Variants in TRPM1 observed in about 807,000 individuals in gnomAD.
The protein encoded by TRPM1 is TRPM1-203 APA Isoform, Intron 10.
TRPM1 carries 113 observed loss-of-function variants against 149.4 expected under a neutral mutation model. That is an observed-to-expected ratio of 0.76 (90% CI 0.65 to 0.88). The LOEUF (loss-of-function observed/expected upper bound fraction) is 0.88, where lower values mean the gene tolerates loss of function less well. TRPM1 is among the 40% of genes least tolerant of loss of function. The pLI is 0.00. For synonymous variants in TRPM1, 741 were observed against 759.5 expected, an observed-to-expected ratio of 0.98 and a Z score of 0.40; for missense variants, 1,976 against 2,038.7, an observed-to-expected ratio of 0.97 and a Z score of 0.59.
At chr15:31,026,299 G>T (rs1180921237) in intron 26 of TRPM1, 28 bp from the exon 27 acceptor site, 2 of 1,606,388 alleles carry the variant, frequency 1.2e-6, no homozygotes, top group Admixed American at 3.3e-5. Flanking sequence ...TGTCGGCCAC[G>T]TGAAAAACAA....
chr15:31,090,176 G>A (rs958010022), intron 1 of TRPM1, among the ~76,000 whole-genome samples: 2 of 152,174 alleles, frequency 1.3e-5, no homozygotes, highest in South Asian at 2.1e-4. Context: ...ACATGCTCTC[G>A]TAAAGGACTT....
intron 27 of TRPM1, among the ~76,000 whole-genome samples, chr15:31,019,148 T>C (rs557391436): frequency 2.0e-4 from 30 of 152,372 alleles, no homozygotes; most frequent in African/African-American, 5.3e-4. Flanking sequence ...TGGTATTCTA[T>C]ACTTGAGTTC....
chr15:31,081,227 C>A lies in TRPM1; in HGVS notation c.3+126G>T. 9.4e-6 allele frequency: 7 copies of A among 743,320 alleles called. No homozygotes were observed. The South Asian group carries it at 1.0e-4, about 11-fold the overall frequency. 46.0% of individuals were successfully genotyped at this position (743,320 alleles called of 1,614,324 possible). ...AACTGGCGCCATGGCCCGAGCCAGGCTCAATCCACTTCCCTCTGCTTCACT... is the reference window on the plus strand; with the variant it reads ...AACTGGCGCCATGGCCCGAGCCAGGATCAATCCACTTCCCTCTGCTTCACT... On this transcript the variant is annotated intron_variant, in intron 2 of 27. Coordinates refer to ENST00000256552, the MANE Select transcript of TRPM1 (RefSeq NM_001252024.2).
rs567012618 is a variant in TRPM1, at chr15:31,034,393, T to C, written c.2700+1153A>G. Among the ~76,000 whole-genome samples, 29 of 152,340 alleles carry C rather than the reference T, an allele frequency of 1.9e-4. No individual in the cohort carries two copies. The South Asian group carries it at 6.0e-3, about 32-fold the overall frequency. ...CCCTGGAGCTTTTCCCCAGGTGGGCTTGCCCACCCCATCTGCTGCAGGTGC... is the reference window on the plus strand; with the variant it reads ...CCCTGGAGCTTTTCCCCAGGTGGGCCTGCCCACCCCATCTGCTGCAGGTGC... On this transcript the variant is annotated intron_variant, in intron 21 of 27. Coordinates refer to ENST00000256552, the MANE Select transcript of TRPM1 (RefSeq NM_001252024.2).
intron 27 of TRPM1, among the ~76,000 whole-genome samples, chr15:31,019,965 G>A (rs547164937): frequency 3.9e-5 from 6 of 152,222 alleles, no homozygotes; most frequent in South Asian, 4.2e-4. Flanking sequence ...CACTGCTCCC[G>A]GCCAAGACTC....
chr15:31,013,710 AGTT>A (rs1228080216), intron 27 of TRPM1, among the ~76,000 whole-genome samples: 1 of 152,058 alleles, frequency 6.6e-6, no homozygotes, highest in Non-Finnish European at 1.5e-5. Context: ...TGCTTAGTGT[AGTT>A]GTTGTTTGTT....
chr15:31,049,104 T>C (rs2140938952), intron 13 of TRPM1, among the ~76,000 whole-genome samples: 1 of 152,230 alleles, frequency 6.6e-6, no homozygotes, highest in African/African-American at 2.4e-5. Context: ...ATTCCCTCTT[T>C]GTAGCAACAA....
chr15:31,082,453 G>GTTTCTC (rs2034886944), intron 1 of TRPM1, among the ~76,000 whole-genome samples: 6 of 152,176 alleles, frequency 3.9e-5, no homozygotes, highest in Admixed American at 3.3e-4. Context: ...CTCTGAAATG[G>GTTTCTC]AAATGGCTTT....
intron 1 of TRPM1, among the ~76,000 whole-genome samples, chr15:31,139,183 A>G (rs1459982762): frequency 6.6e-6 from 1 of 152,234 alleles, no homozygotes; most frequent in Non-Finnish European, 1.5e-5. Flanking sequence ...CTCTTGTCCC[A>G]TGAAAAAGGC....
At chr15:31,139,748 T>G (rs1419544091) in intron 1 of TRPM1, among the ~76,000 whole-genome samples, 1 of 152,224 alleles carries the variant, frequency 6.6e-6, no homozygotes, top group Non-Finnish European at 1.5e-5. Context: ...CAACTGTCTA[T>G]CACTTGCGTG....
intron 23 of TRPM1, 149 bp downstream of exon 23, chr15:31,030,834 T>A: frequency 1.2e-6 from 1 of 858,442 alleles, no homozygotes; most frequent in South Asian, 1.6e-5. Flanking sequence ...CATAATTTGT[T>A]CTTATTTCTT....
At chr15:31,087,863 G>T (rs986936578) in intron 1 of TRPM1, among the ~76,000 whole-genome samples, 1 of 152,186 alleles carries the variant, frequency 6.6e-6, no homozygotes, top group African/African-American at 2.4e-5. Flanking sequence ...TGGGAGGGAG[G>T]AATGGGTAGT....
intron 12 of TRPM1, 39 bp from the exon 13 acceptor site, chr15:31,049,548 T>C (rs368852981): frequency 1.1e-5 from 18 of 1,612,344 alleles, no homozygotes; most frequent in Middle Eastern, 2.0e-4. Context: ...GAGTGGCCTC[T>C]CAGAGACACA....
chr15:31,139,389 T>C (rs2036129926), intron 1 of TRPM1, among the ~76,000 whole-genome samples: 1 of 152,174 alleles, frequency 6.6e-6, no homozygotes, highest in African/African-American at 2.4e-5. Flanking sequence ...ACATTAATAG[T>C]CTAAACAGGG....
intron 1 of TRPM1, among the ~76,000 whole-genome samples, chr15:31,083,674 T>G (rs916839118): frequency 2.6e-5 from 4 of 152,096 alleles, no homozygotes; most frequent in African/African-American, 7.2e-5. Flanking sequence ...ACCCCCTCGC[T>G]CCACTGCCAC....
rs2034500607 is a variant in TRPM1, at chr15:31,070,230, A to C, written c.84-4T>G. 6.2e-7 allele frequency: 1 copy of C among 1,612,808 alleles called. No homozygotes were observed. The highest frequency in any genetic ancestry group is 1.3e-5 in the African/African-American group (1 of 74,902). On this transcript the variant is annotated splice_region_variant and splice_polypyrimidine_tract_variant and intron_variant, in intron 3 of 27. Transcript: ENST00000256552. The stretch of plus-strand genomic sequence containing the variant: ...GGTGAACTGGCCACAGCAACACCTG[A>C]AAACAAAGGCAAAGCAGGGTCTTTC...
intron 9 of TRPM1, 29 bp from the exon 10 acceptor site, chr15:31,061,543 C>T (rs1410827196): frequency 1.2e-6 from 2 of 1,607,316 alleles, no homozygotes; most frequent in Admixed American, 1.7e-5. Flanking sequence ...TGAATTAAAG[C>T]CAAGTTGAAA....
chr15:31,076,899 A>G lies in TRPM1; in HGVS notation c.83+6T>C, dbSNP rs202163956. 3 of 1,591,298 alleles carry G rather than the reference A, an allele frequency of 1.9e-6. No individual in the cohort carries two copies. The East Asian group carries it at 6.7e-5, about 36-fold the overall frequency. On this transcript the variant is annotated splice_donor_region_variant and intron_variant, in intron 3 of 27. Transcript: ENST00000256552. ...GATAATGTCTTAATCGTGGATTTCAATTTACCTGTTAGAGTCTTTCATGCT... is the reference window on the plus strand; with the variant it reads ...GATAATGTCTTAATCGTGGATTTCAGTTTACCTGTTAGAGTCTTTCATGCT...
rs763546583 is a variant in TRPM1 at position 31,042,072 on chromosome 15, G to A, written c.1966C>T (p.Arg656Ter). 4 of 1,614,158 alleles carry A rather than the reference G, an allele frequency of 2.5e-6. No individual in the cohort carries two copies. The highest frequency in any genetic ancestry group is 2.2e-5 in the East Asian group (1 of 44,892). Residue 656 changes from arginine to a stop codon, truncating the protein, a stop_gained, in exon 17 of 28, where the codon CGA becomes TGA. Coordinates refer to ENST00000256552, the MANE Select transcript of TRPM1 (RefSeq NM_001252024.2). LOFTEE classifies it high-confidence loss of function. ...RQKMAVFLWQ[R>*]GEESMAKALV... is the part of the protein sequence containing the mutation. ...GCCTTGGCCATGCTCTCTTCCCCTCGCTGCCAGAGGAACACTGCCATTTTC... is the reference window on the plus strand; with the variant it reads ...GCCTTGGCCATGCTCTCTTCCCCTCACTGCCAGAGGAACACTGCCATTTTC...
Sources: allele counts gnomAD v4.1 joint callset (sites outside exome capture counted in the v4.1 genomes callset), GRCh38; gene constraint gnomAD v4.1.1; transcripts MANE v1.5; gene names NCBI Gene and HGNC (gene_info 2026-07-23, HGNC 2026-07-21).